CRTAP: variants seen among roughly 807,000 people sequenced by gnomAD.
CRTAP encodes the protein cartilage-associated protein.
CRTAP carries 33 observed loss-of-function variants against 42.7 expected under a neutral mutation model. The ratio of observed to expected loss-of-function variants is 0.77; its 90% CI spans 0.59 to 1.03. CRTAP has a LOEUF of 1.03. Ranked by LOEUF, CRTAP falls within the 50% of genes least tolerant of loss-of-function variation. CRTAP has a pLI of 0.00. For missense variants in CRTAP, 613 were observed against 533.9 expected, an observed-to-expected ratio of 1.15 and a Z score of -1.46; for synonymous variants, 243 against 217.7, an observed-to-expected ratio of 1.12 and a Z score of -1.02.
chr3:33,115,953 G>A (rs1225542100), intron 1 of CRTAP, among the ~76,000 whole-genome samples: 1 of 152,110 alleles, frequency 6.6e-6, no homozygotes, highest in African/African-American at 2.4e-5. Flanking sequence ...ACAGAAGCAG[G>A]GAATGAGATT....
At chr3:33,123,027 G>A (rs535449258) in intron 2 of CRTAP, among the ~76,000 whole-genome samples, 2 of 152,060 alleles carry the variant, frequency 1.3e-5, no homozygotes, top group South Asian at 2.1e-4. Flanking sequence ...GCAACGGCAC[G>A]ATCTTGGCTT....
intron 1 of CRTAP, chr3:33,115,313 C>T (rs1701330362): frequency 2.0e-5 from 3 of 152,160 alleles, no homozygotes; most frequent in Admixed American, 1.3e-4. Flanking sequence ...AAGGACACAT[C>T]CCTGCTTAAA....
At chr3:33,124,988 A>C (rs1185967331) in intron 3 of CRTAP, among the ~76,000 whole-genome samples, 3 of 152,236 alleles carry the variant, frequency 2.0e-5, no homozygotes, top group South Asian at 2.1e-4. Flanking sequence ...TAGCTTTTTG[A>C]AATTTTCTTT....
At chr3:33,133,515 G>T (rs958377805) in intron 5 of CRTAP, among the ~76,000 whole-genome samples, 3 of 61,864 alleles carry the variant, frequency 4.8e-5, no homozygotes, top group Non-Finnish European at 8.7e-5. Context: ...CTTTCAAAGT[G>T]CTGGGATTTA....
rs891465533 is a variant in CRTAP, at chr3:33,132,761, C to T, written c.1068+61C>T. 1.8e-5 allele frequency: 28 copies of T among 1,592,014 alleles called. No individual in the cohort carries two copies. In the Middle Eastern group the frequency reaches 6.3e-4, roughly 36 times the overall value. On this transcript the variant is annotated intron_variant, in intron 5 of 6. Coordinates refer to ENST00000320954, the MANE Select transcript of CRTAP (RefSeq NM_006371.5). ...CATTCTTGCCTTCTGGAGACTACCT[C>T]GTGCCTTAAGAGAAAGGGTTATTTT...
intron 5 of CRTAP, among the ~76,000 whole-genome samples, chr3:33,133,259 CTCT>C (rs1296364906): frequency 8.6e-6 from 1 of 116,714 alleles, no homozygotes; most frequent in Non-Finnish European, 1.7e-5. Flanking sequence ...CCTTCTCTCT[CTCT>C]TTTTTTTTTT....
intron 3 of CRTAP, among the ~76,000 whole-genome samples, chr3:33,127,546 C>T (rs1384349167): frequency 6.7e-6 from 1 of 149,484 alleles, no homozygotes; most frequent in Non-Finnish European, 1.5e-5. Context: ...CCCTTAGGTT[C>T]AGGCAATCCT....
At chr3:33,131,155 G>A (rs1035035409) in intron 4 of CRTAP, among the ~76,000 whole-genome samples, 6 of 151,970 alleles carry the variant, frequency 3.9e-5, no homozygotes, top group African/African-American at 4.8e-5. Context: ...CCCCTGGGTC[G>A]CCCCTTCACA....
chr3:33,124,168 A>T (rs2029985992), intron 2 of CRTAP, among the ~76,000 whole-genome samples: 1 of 152,184 alleles, frequency 6.6e-6, no homozygotes, highest in African/African-American at 2.4e-5. Context: ...CTTAATTCAG[A>T]TTATTATCAA....
chr3:33,114,223 G>C lies in CRTAP; in HGVS notation c.146G>C (p.Arg49Pro), dbSNP rs1376339738. The C allele has an allele frequency of 3.8e-6, 6 of 1,591,884 alleles. No individual in the cohort carries two copies. Among genetic ancestry groups the C allele is most frequent in the Non-Finnish European group, 5.1e-6 (6 of 1,175,334 alleles). Residue 49 changes from arginine to proline, a missense_variant, in exon 1 of 7, where the codon CGG becomes CCG. Transcript: ENST00000320954. ...CTGATGCCGCTCGAGTCGGCCTACC[G>C]GCACGCGCTGGACAAGTACAGCGGC... Reference protein sequence around the residue: ...DELMPLESAYRHALDKYSGEH... With the variant: ...DELMPLESAYPHALDKYSGEH...
chr3:33,120,124 G>A (rs1202823969), intron 1 of CRTAP, among the ~76,000 whole-genome samples: 1 of 152,166 alleles, frequency 6.6e-6, no homozygotes, highest in East Asian at 1.9e-4. Flanking sequence ...AGTAGATTGG[G>A]AAAGGCAGAC....
At chr3:33,132,498 G>T (rs1242194375) in intron 4 of CRTAP, 57 bp from the exon 5 acceptor site, 27 of 1,610,624 alleles carry the variant, frequency 1.7e-5, no homozygotes, top group East Asian at 2.2e-5. Flanking sequence ...TAGAAGCAGA[G>T]AAATTATAGG....
chr3:33,141,536 AAAGG>A (rs2030572655), intron 6 of CRTAP, among the ~76,000 whole-genome samples: 2 of 152,360 alleles, frequency 1.3e-5, no homozygotes, highest in Middle Eastern at 6.8e-3. Flanking sequence ...TAAAACATCA[AAAGG>A]AGCCAACAGG....
In CRTAP at chr3:33,121,553, G is replaced by T. The variant is rs527804592; in HGVS notation, c.621+1060G>T. On this transcript the variant is annotated intron_variant, in intron 2 of 6. Transcript: ENST00000320954. ...TGCTAGGGAAAATGTATGTGTGGAA[G>T]TCTCTTTTTGGGGGTATCTGTCAGT... Among the ~76,000 whole-genome samples the T allele has an allele frequency of 9.8e-5, 15 of 152,306 alleles. No individual in the cohort carries two copies. The East Asian group carries it at 2.9e-3, about 29-fold the overall frequency.
At chr3:33,137,060 T>TGTTG (rs2030439902) in intron 6 of CRTAP, among the ~76,000 whole-genome samples, 2 of 141,276 alleles carry the variant, frequency 1.4e-5, no homozygotes, top group African/African-American at 5.0e-5. Context: ...CAACAAAACT[T>TGTTG]AATATTGTCT....
intron 2 of CRTAP, among the ~76,000 whole-genome samples, chr3:33,122,807 A>T (rs1430524748): frequency 2.0e-5 from 3 of 151,948 alleles, no homozygotes; most frequent in Non-Finnish European, 2.9e-5. Context: ...GTGCCCTCAG[A>T]TACCACCATT....
chr3:33,142,520 C>G lies in CRTAP; in HGVS notation c.*72C>G. On this transcript the variant is annotated 3_prime_UTR_variant, in exon 7 of 7. Coordinates refer to ENST00000320954, the MANE Select transcript of CRTAP (RefSeq NM_006371.5). ...ATTCTTTGTCCTTTTCCCAACAGCC[C>G]AGGCTGTTGATACCTCAGAGCCTTC... 1.4e-6 allele frequency: 2 copies of G among 1,443,722 alleles called. No homozygotes were observed. The highest frequency in any genetic ancestry group is 2.3e-5 in the South Asian group (2 of 87,650). The allele number at this position is 1,443,722 out of a possible 1,614,324, so 89.4% of individuals were successfully genotyped here.
At position 33,147,557 on chromosome 3, in the gene CRTAP, A is replaced by G. The variant is rs1302039554; in HGVS notation, c.*5109A>G. On this transcript the variant is annotated 3_prime_UTR_variant, in exon 7 of 7. Coordinates refer to ENST00000320954, the MANE Select transcript of CRTAP (RefSeq NM_006371.5). Reference sequence around the variant, plus strand: ...TAGGAAGGAATTAAGCAATTTGGCCAACAGATACAAGATAGATTCCAGAGT... The same window carrying G: ...TAGGAAGGAATTAAGCAATTTGGCCGACAGATACAAGATAGATTCCAGAGT... 4 of 152,208 alleles carry G rather than the reference A, an allele frequency of 2.6e-5. No homozygotes were observed. Among genetic ancestry groups the G allele is most frequent in the African/African-American group, 9.7e-5 (4 of 41,450 alleles). 9.4% of individuals were successfully genotyped at this position (152,208 alleles called of 1,614,324 possible).
intron 4 of CRTAP, among the ~76,000 whole-genome samples, chr3:33,131,516 G>A (rs934322804): frequency 1.3e-5 from 2 of 152,010 alleles, no homozygotes; most frequent in African/African-American, 2.4e-5. Flanking sequence ...CCTGAAAATC[G>A]CCCTGCATAT....
Sources: gnomAD v4.1 joint callset for allele counts (sites outside exome capture counted in the v4.1 genomes callset) on GRCh38, gnomAD v4.1.1 for gene constraint, MANE v1.5 for transcripts, NCBI Gene and HGNC (gene_info 2026-07-23, HGNC 2026-07-21) for gene names.